SLC24A4: variants seen among roughly 807,000 people sequenced by gnomAD.
The protein encoded by SLC24A4 is solute carrier family 24 member 4.
Under a neutral mutation model 79.0 loss-of-function variants are expected in SLC24A4, and 53 were observed. That is an observed-to-expected ratio of 0.67 (90% CI 0.54 to 0.84). The LOEUF is 0.84. SLC24A4 is among the 40% of genes least tolerant of loss of function. SLC24A4 has a pLI of 0.00. For missense variants in SLC24A4, 731 were observed against 822.0 expected (o/e 0.89, Z 1.35); for synonymous variants, 323 against 323.8 (o/e 1.00, Z 0.03).
intron 2 of SLC24A4, among the ~76,000 whole-genome samples, chr14:92,403,501 A>G (rs1181194497): frequency 2.0e-5 from 3 of 151,872 alleles, no homozygotes; most frequent in Admixed American, 6.6e-5. Flanking sequence ...CCAGCTACTC[A>G]GGAGGCTGAG....
At chr14:92,463,268 C>T (rs1893917169) in intron 12 of SLC24A4, among the ~76,000 whole-genome samples, 1 of 152,120 alleles carries the variant, frequency 6.6e-6, no homozygotes, top group Non-Finnish European at 1.5e-5. Context: ...TCTTTGTGGT[C>T]CTTTTAAGCT....
chr14:92,358,803 G>A (rs1224378223), intron 2 of SLC24A4, among the ~76,000 whole-genome samples: 1 of 150,314 alleles, frequency 6.7e-6, no homozygotes, highest in African/African-American at 2.5e-5. Flanking sequence ...CCCTGCCTCA[G>A]CATCCCAAGT....
chr14:92,467,546 T>C (rs1894190361), intron 12 of SLC24A4, among the ~76,000 whole-genome samples: 1 of 152,164 alleles, frequency 6.6e-6, no homozygotes, highest in African/African-American at 2.4e-5. Context: ...TTTTCTTATA[T>C]TCTAAGGTGG....
At chr14:92,403,554 G>A (rs1273305610) in intron 2 of SLC24A4, among the ~76,000 whole-genome samples, 2 of 150,168 alleles carry the variant, frequency 1.3e-5, no homozygotes, top group African/African-American at 4.9e-5. Flanking sequence ...GTTGCAGTGA[G>A]CCGAGATTGC....
At chr14:92,325,240 G>A (rs960196060) in intron 1 of SLC24A4, among the ~76,000 whole-genome samples, 3 of 152,224 alleles carry the variant, frequency 2.0e-5, no homozygotes, top group African/African-American at 7.2e-5. Context: ...TTTATTTGCT[G>A]GATCAGGAAT....
Position 92,495,048 on chromosome 14 carries a change from A to T in SLC24A4, c.*1420A>T, listed in dbSNP as rs1413705763. 1 of 152,610 alleles carries T rather than the reference A, an allele frequency of 6.6e-6. No individual in the cohort carries two copies. Among genetic ancestry groups the T allele is most frequent in the Non-Finnish European group, 1.5e-5 (1 of 68,028 alleles). 9.5% of individuals were successfully genotyped at this position (152,610 alleles called of 1,614,324 possible). ...GATTTGATGCACTTTGAATATTGAG[A>T]TATTTTGCACGGATGAATGTATGGG... On this transcript the variant is annotated 3_prime_UTR_variant, in exon 17 of 17. Transcript: ENST00000532405.
At chr14:92,468,464 A>G (rs1894242365) in intron 12 of SLC24A4, among the ~76,000 whole-genome samples, 3 of 152,216 alleles carry the variant, frequency 2.0e-5, no homozygotes, top group African/African-American at 4.8e-5. Flanking sequence ...ACAGTCTTTA[A>G]AAAGAACAAA....
rs768865728 is a variant in SLC24A4 at position 92,454,004 on chromosome 14, A to T, written c.985A>T (p.Met329Leu). 2 of 1,613,876 alleles carry T rather than the reference A, an allele frequency of 1.2e-6. No individual in the cohort carries two copies. Among genetic ancestry groups the T allele is most frequent in the Non-Finnish European group, 1.7e-6 (2 of 1,179,870 alleles). The change falls in exon 11 of 17, where the codon ATG becomes TTG. Residue 329 changes from methionine to leucine, a missense_variant. Coordinates refer to ENST00000532405, the MANE Select transcript of SLC24A4 (RefSeq NM_153646.4). ...FTFPEAGLRI[M>L]ITNKFGPRTR... ...CTTCCCTGAAGCAGGCTTACGAATC[A>T]TGATCACCAATAAGTTTGGACCCAG...
rs541474758 is a variant in SLC24A4, at chr14:92,424,121, AC to A, written c.242-9789del. On this transcript the variant is annotated intron_variant, in intron 2 of 16. Coordinates refer to ENST00000532405, the MANE Select transcript of SLC24A4 (RefSeq NM_153646.4). ...TGTCTCCTCCTCTTCTTCTAAGACC[AC>A]CAATCATTGGATTCGGGGTCCCCTG... Among the ~76,000 whole-genome samples the A allele has an allele frequency of 2.5e-3, 377 of 152,098 alleles. 2 individuals carry two copies. The highest frequency in any genetic ancestry group is 8.4e-3 in the African/African-American group (349 of 41,474).
At chr14:92,474,864 T>TTA (rs1555374604) in intron 12 of SLC24A4, among the ~76,000 whole-genome samples, 2 of 38,974 alleles carry the variant, frequency 5.1e-5, no homozygotes, top group African/African-American at 2.2e-4. Flanking sequence ...TATATATATA[T>TTA]TTTTTTTTTT....
At chr14:92,350,486 A>G (rs1037391823) in intron 2 of SLC24A4, among the ~76,000 whole-genome samples, 2 of 152,186 alleles carry the variant, frequency 1.3e-5, no homozygotes, top group African/African-American at 4.8e-5. Flanking sequence ...CGGACTGAGG[A>G]CCATTTGGGA....
intron 2 of SLC24A4, among the ~76,000 whole-genome samples, chr14:92,427,967 C>T (rs1181393618): frequency 6.6e-6 from 1 of 152,154 alleles, no homozygotes; most frequent in Admixed American, 6.5e-5. Context: ...GATAAGGCAC[C>T]ATGTATGAAC....
rs1219025938 is a variant in SLC24A4 at position 92,441,633 on chromosome 14, T to G, written c.394-456T>G. ...AGCACCACTCTGTGCCAGACCCTGT[T>G]CTAGGCACCAGGGATGCAAAGTTGG... On this transcript the variant is annotated intron_variant, in intron 4 of 16. Coordinates refer to ENST00000532405, the MANE Select transcript of SLC24A4 (RefSeq NM_153646.4). The surrounding 1 kb of genome is among the most constrained non-coding windows in gnomAD (Gnocchi z 4.6). 6.6e-6 allele frequency among the ~76,000 whole-genome samples: 1 copy of G among 152,232 alleles called. No individual in the cohort carries two copies. The highest frequency in any genetic ancestry group is 2.4e-5 in the African/African-American group (1 of 41,460).
intron 8 of SLC24A4, among the ~76,000 whole-genome samples, chr14:92,446,551 C>T (rs986436689): frequency 6.6e-6 from 1 of 152,200 alleles, no homozygotes; most frequent in South Asian, 2.1e-4. Context: ...CTCCTGGCCC[C>T]CAATCTGCTG....
Position 92,429,838 on chromosome 14 carries a change from G to A in SLC24A4, c.242-4074G>A, listed in dbSNP as rs1456627581. ...TTCCTCTCAATAAGATGAGAATAATGAGGTTCTCAGAATTGACTGGGAGCA... is the reference window on the plus strand; with the variant it reads ...TTCCTCTCAATAAGATGAGAATAATAAGGTTCTCAGAATTGACTGGGAGCA... On this transcript the variant is annotated intron_variant, in intron 2 of 16. Transcript: ENST00000532405. Among the ~76,000 whole-genome samples the A allele has an allele frequency of 2.6e-5, 4 of 152,176 alleles. No homozygotes were observed. The East Asian group carries it at 7.7e-4, about 29-fold the overall frequency.
At chr14:92,347,185 G>A (rs1886587528) in intron 2 of SLC24A4, among the ~76,000 whole-genome samples, 1 of 152,188 alleles carries the variant, frequency 6.6e-6, no homozygotes, top group South Asian at 2.1e-4. Context: ...TGGGGAGTTA[G>A]TGATACGCCT....
At chr14:92,483,724 C>T in intron 13 of SLC24A4, 1 of 1,289,674 alleles carries the variant, frequency 7.8e-7, no homozygotes, top group Non-Finnish European at 1.0e-6. Context: ...CTCCTCATTC[C>T]CAGGAGCAAA....
At position 92,483,648 on chromosome 14, in the gene SLC24A4, G is replaced by C. The variant is rs1051561975; in HGVS notation, c.1422+802G>C. ...ACCTTTCATCGGCTGGGCTGGGCTG[G>C]GTCAGGCCACACAGGAGCCTCCTTC... On this transcript the variant is annotated intron_variant, in intron 13 of 16. Coordinates refer to ENST00000532405, the MANE Select transcript of SLC24A4 (RefSeq NM_153646.4). 18 of 1,036,296 alleles carry C rather than the reference G, an allele frequency of 1.7e-5. No individual in the cohort carries two copies. In the South Asian group the frequency reaches 2.2e-4, roughly 13 times the overall value. 64.2% of individuals were successfully genotyped at this position (1,036,296 alleles called of 1,614,324 possible).
intron 2 of SLC24A4, among the ~76,000 whole-genome samples, chr14:92,429,286 A>G (rs1483294456): frequency 6.6e-6 from 1 of 151,996 alleles, no homozygotes; most frequent in African/African-American, 2.4e-5. Flanking sequence ...TGTCTGAGGT[A>G]TGGTGGTAGA....
Sources: gnomAD v4.1 joint callset for allele counts (sites outside exome capture counted in the v4.1 genomes callset) on GRCh38, gnomAD v4.1.1 for gene constraint, Gnocchi (gnomAD v3.1) non-coding constraint, MANE v1.5 for transcripts, NCBI Gene and HGNC (gene_info 2026-07-23, HGNC 2026-07-21) for gene names.